The following NOX5 variants were observed in gnomAD, a reference collection of about 807,000 sequenced individuals.
The protein encoded by NOX5 is NADPH oxidase, EF-hand calcium binding domain 5.
In NOX5, 76 loss-of-function variants were observed where a neutral mutation model predicts 85.7. That is an observed-to-expected ratio of 0.89 (90% CI 0.74 to 1.07). The LOEUF (loss-of-function observed/expected upper bound fraction) is 1.07. Ranked by LOEUF, NOX5 falls within the 50% of genes least tolerant of loss-of-function variation. NOX5 has a pLI of 0.00. For missense variants in NOX5, 973 were observed against 999.5 expected, an observed-to-expected ratio of 0.97 and a Z score of 0.36; for synonymous variants, 405 against 401.4, an observed-to-expected ratio of 1.01 and a Z score of -0.11.
chr15:69,046,545 A>C (rs1272254442), intron 10 of NOX5, among the ~76,000 whole-genome samples: 2 of 152,188 alleles, frequency 1.3e-5, no homozygotes, highest in Non-Finnish European at 2.9e-5. Context: ...GTTGTTAAAC[A>C]CAGTTGTTAT....
At chr15:69,039,709 G>A (rs1458300099) in intron 9 of NOX5, among the ~76,000 whole-genome samples, 1 of 152,174 alleles carries the variant, frequency 6.6e-6, no homozygotes, top group Non-Finnish European at 1.5e-5. Flanking sequence ...CCCTTCTCCA[G>A]CCCTGAACTA....
rs1162810391 is a variant in NOX5, at chr15:69,060,664, T to C, written c.*3968T>C. 2 of 152,174 alleles carry C rather than the reference T, an allele frequency of 1.3e-5. No homozygotes were observed. 9.4% of individuals were successfully genotyped at this position (152,174 alleles called of 1,614,324 possible). A position where few individuals can be genotyped will look rare whatever the true frequency, so the allele number is the denominator to read the frequency against. On this transcript the variant is annotated 3_prime_UTR_variant, in exon 16 of 16. Coordinates refer to ENST00000388866, the MANE Select transcript of NOX5 (RefSeq NM_024505.4). ...AGTTTTTATTAATATTATAGTTTTATTTTAAAAAGAAACCCCAAATAGGAT... is the reference window on the plus strand; with the variant it reads ...AGTTTTTATTAATATTATAGTTTTACTTTAAAAAGAAACCCCAAATAGGAT...
In NOX5 at chr15:69,053,172, G is replaced by A. The variant is rs1046295045; in HGVS notation, c.2000-2162G>A. ...AATTTTTCATTGCTATAGCTTAAGCGTCAATTATTCTGTCTAAGTTTGTAT... is the reference window on the plus strand; with the variant it reads ...AATTTTTCATTGCTATAGCTTAAGCATCAATTATTCTGTCTAAGTTTGTAT... On this transcript the variant is annotated intron_variant, in intron 14 of 15. Coordinates refer to ENST00000388866, the MANE Select transcript of NOX5 (RefSeq NM_024505.4). Among the ~76,000 whole-genome samples, 12 of 152,244 alleles carry A rather than the reference G, an allele frequency of 7.9e-5. No homozygotes were observed. The South Asian group carries it at 1.0e-3, about 13-fold the overall frequency.
At chr15:69,049,834 A>G (rs570298905) in intron 14 of NOX5, among the ~76,000 whole-genome samples, 3 of 152,356 alleles carry the variant, frequency 2.0e-5, no homozygotes, top group Admixed American at 6.5e-5. Flanking sequence ...AGTATAATTT[A>G]CATACAATAA....
intron 14 of NOX5, among the ~76,000 whole-genome samples, chr15:69,051,183 G>C (rs920613337): frequency 1.3e-5 from 2 of 150,658 alleles, no homozygotes; most frequent in Non-Finnish European, 2.9e-5. Flanking sequence ...GCCAGTTTCT[G>C]TCTCCTCTCC....
intron 9 of NOX5, among the ~76,000 whole-genome samples, chr15:69,041,178 C>T (rs560350739): frequency 4.6e-5 from 7 of 152,332 alleles, no homozygotes; most frequent in African/African-American, 1.7e-4. Context: ...ATGAATTCAA[C>T]CACCATTCTT....
At chr15:69,033,594 G>T (rs1005218784) in intron 5 of NOX5, among the ~76,000 whole-genome samples, 3 of 152,032 alleles carry the variant, frequency 2.0e-5, no homozygotes, top group Non-Finnish European at 2.9e-5. Context: ...CCTTCAAGAG[G>T]AAACCCTAGA....
At chr15:69,045,641 C>T (rs1230499211) in intron 10 of NOX5, among the ~76,000 whole-genome samples, 1 of 137,904 alleles carries the variant, frequency 7.3e-6, no homozygotes, top group Non-Finnish European at 1.5e-5. Flanking sequence ...TTCCTTCTCT[C>T]TCTCCCCCTC....
chr15:69,054,149 C>G (rs1332344263), intron 14 of NOX5, among the ~76,000 whole-genome samples: 3 of 152,080 alleles, frequency 2.0e-5, no homozygotes, highest in Non-Finnish European at 4.4e-5. Flanking sequence ...CCAACTCTGG[C>G]TTGAACCGAC....
intron 1 of NOX5, among the ~76,000 whole-genome samples, chr15:69,020,860 T>C (rs886669880): frequency 2.6e-5 from 4 of 152,120 alleles, no homozygotes; most frequent in African/African-American, 9.6e-5. Flanking sequence ...ATTTTTCTTA[T>C]AGTTTTAATT....
At chr15:69,031,227 A>G in intron 3 of NOX5, 1 of 476,658 alleles carries the variant, frequency 2.1e-6, no homozygotes, top group East Asian at 3.3e-5. Flanking sequence ...CTGTGGGCAC[A>G]CCGCCCCTTA....
intron 1 of NOX5, among the ~76,000 whole-genome samples, chr15:69,017,625 T>C (rs1230521381): frequency 6.6e-6 from 1 of 152,168 alleles, no homozygotes; most frequent in African/African-American, 2.4e-5. Context: ...CTTGCTAAAA[T>C]GTACAAAACC....
chr15:69,033,996 T>TA (rs2050479000), intron 5 of NOX5, among the ~76,000 whole-genome samples: 1 of 152,080 alleles, frequency 6.6e-6, no homozygotes, highest in Non-Finnish European at 1.5e-5. Flanking sequence ...GCCTGACCTC[T>TA]AAGAGTTTTT....
rs1482451251 is a variant in NOX5, at chr15:69,058,072, C to G, written c.*1376C>G. 1 of 152,742 alleles carries G rather than the reference C, an allele frequency of 6.5e-6. No homozygotes were observed. Among genetic ancestry groups the G allele is most frequent in the African/African-American group, 2.4e-5 (1 of 41,464 alleles). The allele number at this position is 152,742 out of a possible 1,614,324, so 9.5% of individuals were successfully genotyped here. On this transcript the variant is annotated 3_prime_UTR_variant, in exon 16 of 16. Transcript: ENST00000388866. ...CCCACATTTCCTGGGCATCCTCCAC[C>G]TTGCAGTCAGTCCTGATAGGTTCTC...
chr15:69,035,053 A>T (rs2050493255), intron 5 of NOX5, among the ~76,000 whole-genome samples: 1 of 152,194 alleles, frequency 6.6e-6, no homozygotes, highest in African/African-American at 2.4e-5. Flanking sequence ...GGAGTGAGCC[A>T]CTGCGCCTGG....
chr15:69,035,622 C>A, intron 6 of NOX5, 115 bp downstream of exon 6: 1 of 1,551,746 alleles, frequency 6.4e-7, no homozygotes, highest in South Asian at 1.2e-5. Context: ...AAGGGGTGCC[C>A]TGGATAAGCC....
At chr15:69,047,201 C>T in intron 11 of NOX5, 1 of 630,436 alleles carries the variant, frequency 1.6e-6, no homozygotes. Flanking sequence ...ACTAGCTCTG[C>T]ACTGTAACAC....
At chr15:69,032,551 TA>T (rs2050451290) in intron 4 of NOX5, among the ~76,000 whole-genome samples, 1 of 151,974 alleles carries the variant, frequency 6.6e-6, no homozygotes, top group African/African-American at 2.4e-5. Context: ...GCTGGTATTA[TA>T]GGTGCCAGCC....
chr15:69,025,550 A>G (rs571670233), intron 1 of NOX5, among the ~76,000 whole-genome samples: 1 of 152,350 alleles, frequency 6.6e-6, no homozygotes, highest in South Asian at 2.1e-4. Flanking sequence ...TCCACAGATG[A>G]CTACGGATGG....
Sources: allele counts gnomAD v4.1 joint callset (sites outside exome capture counted in the v4.1 genomes callset), GRCh38; gene constraint gnomAD v4.1.1; transcripts MANE v1.5; gene names NCBI Gene and HGNC (gene_info 2026-07-23, HGNC 2026-07-21).